Variants in ZNF532 observed in about 807,000 individuals in gnomAD.
ZNF532 encodes zinc finger protein 532.
A neutral mutation model predicts 89.3 loss-of-function variants in ZNF532; 22 were observed. That is an observed-to-expected ratio of 0.25 (90% CI 0.18 to 0.35). The LOEUF (loss-of-function observed/expected upper bound fraction) is 0.35, where lower values mean the gene tolerates loss of function less well. Among genes scored for constraint, ZNF532 ranks in the 10% least tolerant of loss-of-function variants. The pLI is 1.00. For missense variants in ZNF532, 1,132 were observed against 1,643.4 expected (o/e 0.69, Z 5.38); for synonymous variants, 606 against 649.6 (o/e 0.93, Z 1.02).
chr18:58,953,931 T>C lies in ZNF532; in HGVS notation c.3150+132T>C, dbSNP rs1042738388. On this transcript the variant is annotated intron_variant, in intron 7 of 9. Transcript: ENST00000591808. Reference sequence around the variant, plus strand: ...GTGACCTTAAAAATCACTTGGTGTCTCTCTGCCTCACTTCTTTATCTGTGA... The same window carrying C: ...GTGACCTTAAAAATCACTTGGTGTCCCTCTGCCTCACTTCTTTATCTGTGA... The C allele has an allele frequency of 2.1e-6, 3 of 1,440,684 alleles. No homozygotes were observed. The African/African-American group carries it at 4.3e-5, about 21-fold the overall frequency. 89.2% of individuals were successfully genotyped at this position (1,440,684 alleles called of 1,614,324 possible).
At chr18:58,871,100 G>T (rs1261820439) in intron 2 of ZNF532, among the ~76,000 whole-genome samples, 2 of 152,200 alleles carry the variant, frequency 1.3e-5, no homozygotes, top group African/African-American at 4.8e-5. Context: ...AGCGGCAGGG[G>T]TGGCTGAAGA....
rs1325440125 is a variant in ZNF532 at position 58,902,495 on chromosome 18, C to CT, written c.-17-15762dup. 5.7e-3 allele frequency among the ~76,000 whole-genome samples: 815 copies of CT among 142,076 alleles called. 3 individuals are homozygous for CT. The highest frequency in any genetic ancestry group is 0.013 in the African/African-American group (494 of 38,940). 93.2% of individuals were successfully genotyped at this position (142,076 alleles called of 152,430 possible). On this transcript the variant is annotated intron_variant, in intron 2 of 9. Coordinates refer to ENST00000591808, the MANE Select transcript of ZNF532 (RefSeq NM_001375912.1). ...CTGACTCCAGGTGACCCTTCTCCTT[C>CT]TTTTTTTTTTTTTTGAGATGGAGTT...
rs1568469496 is a variant in ZNF532 at position 58,979,036 on chromosome 18, C to A, written c.3151-19C>A. On this transcript the variant is annotated intron_variant, in intron 7 of 9. Transcript: ENST00000591808. ...ATCTATTTTCATTCCCTTAAGTGAA[C>A]TTTCTCTCCTTCCTCCAGCAAATGA... 6.3e-7 allele frequency: 1 copy of A among 1,592,354 alleles called. No homozygotes were observed. The highest frequency in any genetic ancestry group is 2.2e-5 in the East Asian group (1 of 44,566).
intron 2 of ZNF532, among the ~76,000 whole-genome samples, chr18:58,897,542 T>A (rs987013293): frequency 6.6e-6 from 1 of 152,226 alleles, no homozygotes; most frequent in Admixed American, 6.5e-5. Flanking sequence ...AACCTTAGGA[T>A]TAGTTATCAT....
intron 7 of ZNF532, among the ~76,000 whole-genome samples, chr18:58,964,962 A>G (rs2065777008): frequency 6.7e-6 from 1 of 148,990 alleles, no homozygotes; most frequent in South Asian, 2.1e-4. Flanking sequence ...ATATATTTAT[A>G]TACTATAGAT....
At chr18:58,981,835 T>G (rs2067811880) in intron 9 of ZNF532, among the ~76,000 whole-genome samples, 1 of 151,686 alleles carries the variant, frequency 6.6e-6, no homozygotes, top group African/African-American at 2.4e-5. Flanking sequence ...TAACCTCATC[T>G]CTACTAAAAA....
intron 9 of ZNF532, 81 bp from the exon 10 acceptor site, chr18:58,983,891 C>T (rs923114526): frequency 6.3e-5 from 95 of 1,514,606 alleles, no homozygotes; most frequent in Non-Finnish European, 7.4e-5. Context: ...CCTGGCAGCT[C>T]TAAAGTAAGA....
intron 8 of ZNF532, 115 bp from the exon 9 acceptor site, chr18:58,981,355 C>A: frequency 1.5e-6 from 2 of 1,374,514 alleles, no homozygotes; most frequent in African/African-American, 1.5e-5. Flanking sequence ...GTGAACTCAG[C>A]TTATTGGACC....
chr18:58,890,235 A>ATATATATATATGAGT (rs2058788210), intron 2 of ZNF532, among the ~76,000 whole-genome samples: 1 of 151,538 alleles, frequency 6.6e-6, no homozygotes, highest in Non-Finnish European at 1.5e-5. Context: ...GAGGAAAAAT[A>ATATATATATATGAGT]TATATATATA....
intron 7 of ZNF532, among the ~76,000 whole-genome samples, chr18:58,963,415 G>A: frequency 6.6e-6 from 1 of 152,096 alleles, no homozygotes; most frequent in Non-Finnish European, 1.5e-5. Context: ...AAGGAAAGTG[G>A]GAGAATGAAA....
intron 2 of ZNF532, among the ~76,000 whole-genome samples, chr18:58,871,374 T>A (rs550650634): frequency 3.3e-5 from 5 of 152,280 alleles, no homozygotes; most frequent in Middle Eastern, 3.4e-3. Context: ...ACTATAGGCA[T>A]GCACCACCGC....
rs2068358657 is a variant in ZNF532, at chr18:58,986,016, A to G, written c.*1550A>G. On this transcript the variant is annotated 3_prime_UTR_variant, in exon 10 of 10. Transcript: ENST00000591808. ...TCTTTGTGAAGTTTGGGAAGTAATTAATTGCAGCGACAAGCTACAGGGTGT... is the reference window on the plus strand; with the variant it reads ...TCTTTGTGAAGTTTGGGAAGTAATTGATTGCAGCGACAAGCTACAGGGTGT... The G allele has an allele frequency of 6.6e-6, 1 of 152,544 alleles. No individual in the cohort carries two copies. The highest frequency in any genetic ancestry group is 2.1e-4 in the South Asian group (1 of 4,826). The allele number at this position is 152,544 out of a possible 1,614,324, so 9.4% of individuals were successfully genotyped here.
intron 3 of ZNF532, among the ~76,000 whole-genome samples, chr18:58,930,490 T>C (rs1418540256): frequency 6.6e-6 from 1 of 152,096 alleles, no homozygotes; most frequent in Non-Finnish European, 1.5e-5. Flanking sequence ...TAGCCAGGCA[T>C]GGCGGTGCGT....
At chr18:58,982,450 G>T (rs1443043515) in intron 9 of ZNF532, among the ~76,000 whole-genome samples, 1 of 151,802 alleles carries the variant, frequency 6.6e-6, no homozygotes. Context: ...GTGAAACCCC[G>T]TCTCTACTAA....
rs764280663 is a variant in ZNF532 at position 58,983,978 on chromosome 18, A to G, written c.3418A>G (p.Ser1140Gly). 4 of 1,607,134 alleles carry G rather than the reference A, an allele frequency of 2.5e-6. No homozygotes were observed. In the South Asian group the frequency reaches 4.4e-5, roughly 18 times the overall value. Residue 1140 changes from serine to glycine, a missense_variant, in exon 10 of 10, where the codon AGT becomes GGT. Around this residue, in one of 9 missense-constraint regions of ZNF532, gnomAD observed 415 missense variants for 604.8 expected, o/e 0.69. Transcript: ENST00000591808. Reference protein sequence around the residue: ...TEIKEDTKVPSPKRKLEEPVL... With the variant: ...TEIKEDTKVPGPKRKLEEPVL... ...TGCTTTCTTTCCCTGAAAGGTCCCC[A>G]GTCCCAAGCGGAAGTTGGAAGAACC...
At chr18:58,885,774 A>G (rs1238073586) in intron 2 of ZNF532, among the ~76,000 whole-genome samples, 1 of 151,644 alleles carries the variant, frequency 6.6e-6, no homozygotes, top group Non-Finnish European at 1.5e-5. Context: ...GAATCACTGG[A>G]ACCCGGGAGG....
intron 3 of ZNF532, among the ~76,000 whole-genome samples, chr18:58,922,261 T>A (rs2146158135): frequency 6.6e-6 from 1 of 152,378 alleles, no homozygotes; most frequent in East Asian, 1.9e-4. Flanking sequence ...TTAGGATGTT[T>A]ATGCCGCAAT....
intron 2 of ZNF532, among the ~76,000 whole-genome samples, chr18:58,876,082 G>A (rs112697558): frequency 0.21 from 31,189 of 151,640 alleles, 5,596 homozygotes; most frequent in East Asian, 0.56. Context: ...ACAGGCCCCC[G>A]CCACCATGCC....
At chr18:58,979,349 A>AG (rs1319766617) in intron 8 of ZNF532, 182 bp downstream of exon 8, 1 of 390,834 alleles carries the variant, frequency 2.6e-6, no homozygotes, top group Non-Finnish European at 4.5e-6. Context: ...ATGAAAATAA[A>AG]AAAAAAAGGA....
Sources: gnomAD v4.1 joint callset for allele counts (sites outside exome capture counted in the v4.1 genomes callset) on GRCh38, gnomAD v4.1.1 for gene constraint, gnomAD v4.1.1 regional missense constraint, MANE v1.5 for transcripts, NCBI Gene and HGNC (gene_info 2026-07-23, HGNC 2026-07-21) for gene names.